Variants in TMTC2 observed in about 807,000 individuals in gnomAD.
TMTC2 encodes protein O-mannosyl-transferase TMTC2.
TMTC2 carries 43 observed loss-of-function variants against 82.4 expected under a neutral mutation model. That is an observed-to-expected ratio of 0.52 (90% CI 0.41 to 0.67). The LOEUF (loss-of-function observed/expected upper bound fraction) is 0.67. Ranked by LOEUF, TMTC2 falls within the 30% of genes least tolerant of loss-of-function variation. TMTC2 has a pLI of 0.00. For missense variants in TMTC2, 919 were observed against 1,012.4 expected, an observed-to-expected ratio of 0.91 and a Z score of 1.25; for synonymous variants, 408 against 381.9, an observed-to-expected ratio of 1.07 and a Z score of -0.80.
At chr12:82,846,354 T>C (rs1870679432) in intron 1 of TMTC2, among the ~76,000 whole-genome samples, 1 of 151,862 alleles carries the variant, frequency 6.6e-6, no homozygotes, top group South Asian at 2.1e-4. Context: ...CGAGACTCTG[T>C]CTTTTTTTTA....
At chr12:83,066,137 A>G (rs1159987743) in intron 11 of TMTC2, among the ~76,000 whole-genome samples, 4 of 151,954 alleles carry the variant, frequency 2.6e-5, no homozygotes, top group Admixed American at 1.3e-4. Flanking sequence ...CGGAATTTCA[A>G]TCCTCAAACA....
At chr12:82,776,012 G>A (rs528556958) in intron 1 of TMTC2, among the ~76,000 whole-genome samples, 4 of 152,070 alleles carry the variant, frequency 2.6e-5, no homozygotes, top group Admixed American at 2.6e-4. Flanking sequence ...GGTTGCCTGT[G>A]TGTGCACCCG....
intron 2 of TMTC2, among the ~76,000 whole-genome samples, chr12:82,868,242 C>T (rs935925358): frequency 2.6e-5 from 4 of 152,106 alleles, no homozygotes. Flanking sequence ...ACTCAATTAG[C>T]ATGGCTGCGG....
At chr12:82,705,328 T>C (rs1261145441) in intron 1 of TMTC2, among the ~76,000 whole-genome samples, 13 of 152,074 alleles carry the variant, frequency 8.5e-5, no homozygotes, top group Non-Finnish European at 1.5e-5. Flanking sequence ...CAATAACCTA[T>C]GGAGATAAAA....
At chr12:83,062,282 TTCAACTTTA>T (rs1259893312) in intron 11 of TMTC2, among the ~76,000 whole-genome samples, 1 of 151,822 alleles carries the variant, frequency 6.6e-6, no homozygotes, top group Non-Finnish European at 1.5e-5. Flanking sequence ...AACTGTGCTT[TTCAACTTTA>T]TCAAGAATGT....
chr12:82,895,815 C>T lies in TMTC2; in HGVS notation c.655-3C>T. 6.3e-7 allele frequency: 1 copy of T among 1,595,994 alleles called. No homozygotes were observed. ...ATTTTTCCCTTCTCTCTTTTGGTTT[C>T]AGAGGAAGAACTTGTCGCTTTTCCT... On this transcript the variant is annotated splice_region_variant and splice_polypyrimidine_tract_variant and intron_variant, in intron 2 of 11. Coordinates refer to ENST00000321196, the MANE Select transcript of TMTC2 (RefSeq NM_152588.3).
intron 1 of TMTC2, among the ~76,000 whole-genome samples, chr12:82,831,658 G>A (rs140457965): frequency 7.2e-5 from 11 of 152,240 alleles, no homozygotes; most frequent in African/African-American, 2.6e-4. Context: ...ACTTAGGGTG[G>A]AAATCAGATT....
intron 1 of TMTC2, among the ~76,000 whole-genome samples, chr12:82,854,294 G>A (rs543808605): frequency 6.6e-6 from 1 of 152,284 alleles, no homozygotes; most frequent in South Asian, 2.1e-4. Context: ...GAAGAAATAG[G>A]AGGTAGTTAG....
At chr12:83,074,071 A>G (rs1221938902) in intron 11 of TMTC2, among the ~76,000 whole-genome samples, 2 of 152,086 alleles carry the variant, frequency 1.3e-5, no homozygotes, top group South Asian at 2.1e-4. Flanking sequence ...GCGTATTACC[A>G]GGGTTGGTTT....
At chr12:83,025,216 A>G (rs12814294) in intron 8 of TMTC2, among the ~76,000 whole-genome samples, 2 of 151,552 alleles carry the variant, frequency 1.3e-5, no homozygotes, top group Non-Finnish European at 2.9e-5. Context: ...AAAAAAGAAA[A>G]GAAAAGAAAT....
At chr12:82,871,245 CAGAG>C (rs777453745) in intron 2 of TMTC2, among the ~76,000 whole-genome samples, 1 of 152,116 alleles carries the variant, frequency 6.6e-6, no homozygotes, top group African/African-American at 2.4e-5. Context: ...TAGTATGCAG[CAGAG>C]AGAGAATCTC....
chr12:83,025,436 G>A (rs549783264), intron 8 of TMTC2, among the ~76,000 whole-genome samples: 6 of 150,900 alleles, frequency 4.0e-5, no homozygotes, highest in Non-Finnish European at 8.8e-5. Context: ...TTTATGTATA[G>A]TAGAAAAACA....
At chr12:82,766,318 G>T (rs560413774) in intron 1 of TMTC2, among the ~76,000 whole-genome samples, 2 of 152,188 alleles carry the variant, frequency 1.3e-5, no homozygotes, top group South Asian at 4.1e-4. Flanking sequence ...CATTCCTAGG[G>T]AGAATTCCAA....
chr12:83,009,371 G>A (rs1351175325), intron 8 of TMTC2, among the ~76,000 whole-genome samples: 1 of 152,084 alleles, frequency 6.6e-6, no homozygotes, highest in Non-Finnish European at 1.5e-5. Flanking sequence ...TCTCCTGATA[G>A]TCTACCCTCA....
intron 2 of TMTC2, among the ~76,000 whole-genome samples, chr12:82,859,090 G>A (rs1164697414): frequency 1.4e-5 from 2 of 139,708 alleles, no homozygotes; most frequent in Non-Finnish European, 3.0e-5. Context: ...TTTTTTTGAC[G>A]CGGAGTCTCA....
At chr12:82,780,868 T>G (rs1877870368) in intron 1 of TMTC2, among the ~76,000 whole-genome samples, 1 of 152,020 alleles carries the variant, frequency 6.6e-6, no homozygotes, top group South Asian at 2.1e-4. Flanking sequence ...TGTTTTCTAG[T>G]TGCAGTGTGG....
intron 3 of TMTC2, among the ~76,000 whole-genome samples, chr12:82,925,465 A>G (rs1875646101): frequency 1.3e-5 from 2 of 152,320 alleles, no homozygotes; most frequent in African/African-American, 4.8e-5. Flanking sequence ...AGCGACAGGC[A>G]TACCTTATTT....
At chr12:82,960,696 T>C (rs1052486838) in intron 4 of TMTC2, among the ~76,000 whole-genome samples, 7 of 152,090 alleles carry the variant, frequency 4.6e-5, no homozygotes, top group African/African-American at 1.7e-4. Flanking sequence ...CTATGCTCAG[T>C]ACCTGGGTGA....
chr12:82,802,300 C>A (rs1040618819), intron 1 of TMTC2, among the ~76,000 whole-genome samples: 1 of 152,210 alleles, frequency 6.6e-6, no homozygotes, highest in South Asian at 2.1e-4. Context: ...CCCACCCGTG[C>A]GCAGCCCTTG....
Sources: gnomAD v4.1 joint callset for allele counts (sites outside exome capture counted in the v4.1 genomes callset) on GRCh38, gnomAD v4.1.1 for gene constraint, MANE v1.5 for transcripts, NCBI Gene and HGNC (gene_info 2026-07-23, HGNC 2026-07-21) for gene names.